SHOC1: variants seen among roughly 807,000 people sequenced by gnomAD.
The protein encoded by SHOC1 is protein shortage in chiasmata 1 ortholog.
In SHOC1, 136 loss-of-function variants were observed where a neutral mutation model predicts 179.2. The observed-to-expected ratio is 0.76, with a 90% CI of 0.66 to 0.87. The LOEUF (loss-of-function observed/expected upper bound fraction) is 0.87, where lower values mean the gene tolerates loss of function less well. Ranked by LOEUF, SHOC1 falls within the 40% of genes least tolerant of loss-of-function variation. The probability of loss-of-function intolerance (pLI) is 0.00; values close to 1 mark genes in which losing one functional copy is unlikely to be tolerated. For missense variants in SHOC1, 1,538 were observed against 1,700.8 expected (o/e 0.90, Z 1.68); for synonymous variants, 489 against 586.6 (o/e 0.83, Z 2.41).
At chr9:111,695,069 A>G (rs1321144155) in intron 24 of SHOC1, among the ~76,000 whole-genome samples, 2 of 128,656 alleles carry the variant, frequency 1.6e-5, no homozygotes, top group Non-Finnish European at 3.2e-5. Context: ...GTTTTCCTCC[A>G]TGCCCTTCTC....
chr9:111,746,390 G>A (rs773988630), intron 9 of SHOC1, 48 bp from the exon 10 acceptor site: 2 of 1,264,878 alleles, frequency 1.6e-6, no homozygotes, highest in South Asian at 1.2e-5. Context: ...ATAATATTAA[G>A]TAGGCTAGGC....
chr9:111,739,353 A>T (rs1833937445), intron 11 of SHOC1, among the ~76,000 whole-genome samples: 2 of 152,094 alleles, frequency 1.3e-5, no homozygotes, highest in African/African-American at 4.8e-5. Context: ...GAAAAGTCTC[A>T]TAAGTTTTGA....
At chr9:111,738,544 A>C (rs1233439898) in intron 11 of SHOC1, 22 bp from the exon 12 acceptor site, 2 of 1,521,376 alleles carry the variant, frequency 1.3e-6, no homozygotes, top group Admixed American at 4.8e-5. Context: ...ATAAAAAACA[A>C]ATAGTTAGAA....
At position 111,700,098 on chromosome 9, in the gene SHOC1, T is replaced by A. The variant is rs1831899357; in HGVS notation, c.3090-51A>T. 5.1e-6 allele frequency: 5 copies of A among 977,028 alleles called. No homozygotes were observed. The South Asian group carries it at 8.5e-5, about 17-fold the overall frequency. The allele number at this position is 977,028 out of a possible 1,614,324, so 60.5% of individuals were successfully genotyped here. The stretch of plus-strand genomic sequence containing the variant: ...TCTATTCATTTGATATCAGATTATA[T>A]TTATTAAAAATTCATTTTGTTTTCC... On this transcript the variant is annotated intron_variant, in intron 23 of 27. Transcript: ENST00000682961.
chr9:111,755,861 G>T (rs924064869), intron 8 of SHOC1, among the ~76,000 whole-genome samples: 1 of 152,090 alleles, frequency 6.6e-6, no homozygotes, highest in Non-Finnish European at 1.5e-5. Flanking sequence ...AGTGGCTCAT[G>T]CCTACAATCT....
intron 24 of SHOC1, among the ~76,000 whole-genome samples, chr9:111,697,155 G>C (rs556161270): frequency 4.4e-4 from 67 of 151,230 alleles, no homozygotes; most frequent in Non-Finnish European, 8.7e-4. Context: ...GATGCATCCT[G>C]AGAGAGTAGG....
At chr9:111,792,352 G>T (rs1367926453) in intron 1 of SHOC1, among the ~76,000 whole-genome samples, 2 of 152,064 alleles carry the variant, frequency 1.3e-5, no homozygotes, top group African/African-American at 4.8e-5. Context: ...AGAGGCTGAG[G>T]TGGTGGATCA....
chr9:111,709,032 G>A (rs541882004), intron 18 of SHOC1, among the ~76,000 whole-genome samples: 1 of 152,214 alleles, frequency 6.6e-6, no homozygotes, highest in Non-Finnish European at 1.5e-5. Context: ...AATTCATAAG[G>A]TGATTCTTCT....
At position 111,791,465 on chromosome 9, in the gene SHOC1, A is replaced by G. The variant is rs1836442470; in HGVS notation, c.-36-11T>C. 1.5e-6 allele frequency: 2 copies of G among 1,291,092 alleles called. No homozygotes were observed. Among genetic ancestry groups the G allele is most frequent in the African/African-American group, 1.5e-5 (1 of 65,486 alleles). 80.0% of individuals were successfully genotyped at this position (1,291,092 alleles called of 1,614,324 possible). A position where few individuals can be genotyped will look rare whatever the true frequency, so the allele number is the denominator to read the frequency against. ...TGTAAATTTCAACATCTGGAAATACAAAAATTAAAATTAAACACTGGTAAA... is the reference window on the plus strand; with the variant it reads ...TGTAAATTTCAACATCTGGAAATACGAAAATTAAAATTAAACACTGGTAAA... On this transcript the variant is annotated splice_polypyrimidine_tract_variant and intron_variant, in intron 1 of 27. Transcript: ENST00000682961.
chr9:111,686,989 A>T (rs578053228), intron 27 of SHOC1, 119 bp from the exon 28 acceptor site: 20 of 527,622 alleles, frequency 3.8e-5, no homozygotes, highest in Non-Finnish European at 5.8e-5. Context: ...CTTGTCGCCC[A>T]GGCTGGAGTG....
rs903598525 is a variant in SHOC1, at chr9:111,723,926, A to T, written c.1835-15T>A. ...TGCTTCTTTATCTTGAAATTCCAAT[A>T]AAAAATATAAATTTTTGTTGTTCAA... On this transcript the variant is annotated splice_polypyrimidine_tract_variant and intron_variant, in intron 13 of 27. Coordinates refer to ENST00000682961, the MANE Select transcript of SHOC1 (RefSeq NM_001378211.1). 5 of 1,482,108 alleles carry T rather than the reference A, an allele frequency of 3.4e-6. No homozygotes were observed. The highest frequency in any genetic ancestry group is 4.6e-6 in the Non-Finnish European group (5 of 1,096,236). 91.8% of individuals were successfully genotyped at this position (1,482,108 alleles called of 1,614,324 possible). A position where few individuals can be genotyped will look rare whatever the true frequency, so the allele number is the denominator to read the frequency against.
intron 8 of SHOC1, among the ~76,000 whole-genome samples, chr9:111,754,495 T>A (rs1564149842): frequency 2.0e-5 from 3 of 152,184 alleles, no homozygotes; most frequent in South Asian, 4.1e-4. Context: ...TTTGGAACCC[T>A]CACACATTGT....
intron 26 of SHOC1, 84 bp from the exon 27 acceptor site, chr9:111,692,595 A>G: frequency 1.1e-6 from 1 of 930,250 alleles, no homozygotes; most frequent in Non-Finnish European, 1.6e-6. Flanking sequence ...AAGGCAAAAT[A>G]TAAATAGGTA....
At chr9:111,714,766 T>C (rs1458160480) in intron 16 of SHOC1, 143 bp from the exon 17 acceptor site, 2 of 735,614 alleles carry the variant, frequency 2.7e-6, no homozygotes, top group South Asian at 1.9e-5. Context: ...TCAAAGACAC[T>C]AATAAAAACT....
chr9:111,716,914 C>A (rs1026384036), intron 16 of SHOC1, among the ~76,000 whole-genome samples: 1 of 152,156 alleles, frequency 6.6e-6, no homozygotes, highest in East Asian at 1.9e-4. Context: ...GGCTAAGAAC[C>A]CTACTTTACA....
At chr9:111,739,854 C>T (rs1459116783) in intron 11 of SHOC1, among the ~76,000 whole-genome samples, 1 of 152,048 alleles carries the variant, frequency 6.6e-6, no homozygotes, top group African/African-American at 2.4e-5. Flanking sequence ...GTGTTTCTTT[C>T]AACTTTGTGG....
chr9:111,760,387 T>C (rs12351478), intron 5 of SHOC1, among the ~76,000 whole-genome samples: 27,158 of 152,170 alleles, frequency 0.18, 2,663 homozygotes, highest in Non-Finnish European at 0.22. Flanking sequence ...ATACATGTAC[T>C]ATACAGATAT....
At chr9:111,768,368 G>T (rs1835434262) in intron 5 of SHOC1, among the ~76,000 whole-genome samples, 1 of 151,926 alleles carries the variant, frequency 6.6e-6, no homozygotes, top group African/African-American at 2.4e-5. Context: ...GATTACAGGT[G>T]CACACAGCCA....
intron 5 of SHOC1, chr9:111,759,142 T>C: frequency 6.3e-7 from 1 of 1,588,242 alleles, no homozygotes; most frequent in Non-Finnish European, 8.6e-7. Flanking sequence ...GAGGAAAATA[T>C]CTTATGGACT....
Sources: allele counts gnomAD v4.1 joint callset (sites outside exome capture counted in the v4.1 genomes callset), GRCh38; gene constraint gnomAD v4.1.1; transcripts MANE v1.5; gene names NCBI Gene and HGNC (gene_info 2026-07-23, HGNC 2026-07-21).